The following KIAA1217 variants were observed in gnomAD, a reference collection of about 807,000 sequenced individuals.
The protein encoded by KIAA1217 is KIAA1217, also known as sickle tail protein homolog.
Under a neutral mutation model 163.9 loss-of-function variants are expected in KIAA1217, and 88 were observed. The observed-to-expected ratio is 0.54, with a 90% confidence interval of 0.45 to 0.64. The LOEUF is 0.64. Among genes scored for constraint, KIAA1217 ranks in the 30% least tolerant of loss-of-function variants. KIAA1217 has a pLI of 0.00. For synonymous variants in KIAA1217, 903 were observed against 923.1 expected, an observed-to-expected ratio of 0.98 and a Z score of 0.39; for missense variants, 2,372 against 2,475.0, an observed-to-expected ratio of 0.96 and a Z score of 0.88.
intron 1 of KIAA1217, among the ~76,000 whole-genome samples, chr10:23,737,858 T>A (rs1158109629): frequency 3.3e-5 from 5 of 152,176 alleles, no homozygotes; most frequent in Admixed American, 3.3e-4. Flanking sequence ...ATTCACAGTT[T>A]TATTAATCTC....
intron 2 of KIAA1217, among the ~76,000 whole-genome samples, chr10:24,163,957 A>C (rs1253203913): frequency 6.6e-6 from 1 of 152,214 alleles, no homozygotes; most frequent in Admixed American, 6.5e-5. Flanking sequence ...GTTGCCCAGA[A>C]GTTTGAGTCC....
intron 2 of KIAA1217, among the ~76,000 whole-genome samples, chr10:24,055,263 T>C (rs974539209): frequency 1.3e-5 from 2 of 152,092 alleles, no homozygotes; most frequent in African/African-American, 4.8e-5. Context: ...TGAGACCCTG[T>C]CTCAAAAAAT....
chr10:24,501,729 CTTTTTTTTTTTTTTTTTT>C (rs71397953), intron 9 of KIAA1217, among the ~76,000 whole-genome samples, 184 bp downstream of exon 9: 2 of 51,472 alleles, frequency 3.9e-5, no homozygotes, highest in East Asian at 7.7e-4. Context: ...ATAACCACTT[CTTTTTTTTTTTTTTTTTT>C]TTTTTTTTTT....
At chr10:24,049,351 G>C (rs1232154733) in intron 2 of KIAA1217, among the ~76,000 whole-genome samples, 1 of 152,158 alleles carries the variant, frequency 6.6e-6, no homozygotes, top group Non-Finnish European at 1.5e-5. Context: ...GAGTTTTACA[G>C]TGGCATAGAA....
chr10:24,071,724 A>T (rs2131629853), intron 2 of KIAA1217, among the ~76,000 whole-genome samples: 1 of 152,310 alleles, frequency 6.6e-6, no homozygotes, highest in African/African-American at 2.4e-5. Context: ...CAGTTACCAG[A>T]TGAGAGAAAC....
At chr10:23,772,228 G>A (rs970983883) in intron 1 of KIAA1217, among the ~76,000 whole-genome samples, 1 of 152,166 alleles carries the variant, frequency 6.6e-6, no homozygotes, top group African/African-American at 2.4e-5. Context: ...TCAGCGGACA[G>A]CAGAAATACC....
At position 24,440,228 on chromosome 10, in the gene KIAA1217, A is replaced by G. The variant is rs144614347; in HGVS notation, c.846+1749A>G. 1.1e-3 allele frequency among the ~76,000 whole-genome samples: 162 copies of G among 152,374 alleles called. 1 individual carries two copies. The highest frequency in any genetic ancestry group is 3.7e-3 in the African/African-American group (154 of 41,594). On this transcript the variant is annotated intron_variant, in intron 5 of 20. Coordinates refer to ENST00000376454, the MANE Select transcript of KIAA1217 (RefSeq NM_019590.5). Reference sequence around the variant, plus strand: ...TTTGCCAGTTATACTTTATGTGTAAACCAGAGCCACATGGAGACAGATTGA... The same window carrying G: ...TTTGCCAGTTATACTTTATGTGTAAGCCAGAGCCACATGGAGACAGATTGA...
At chr10:24,512,173 T>C (rs1373002378) in intron 9 of KIAA1217, among the ~76,000 whole-genome samples, 1 of 152,184 alleles carries the variant, frequency 6.6e-6, no homozygotes, top group Non-Finnish European at 1.5e-5. Flanking sequence ...GATGTGGCTT[T>C]AAGCAGGTGG....
chr10:24,068,289 C>A (rs2061048928), intron 2 of KIAA1217, among the ~76,000 whole-genome samples: 2 of 152,300 alleles, frequency 1.3e-5, no homozygotes, highest in South Asian at 2.1e-4. Context: ...TAGCTCCACA[C>A]CCTCAGTTAT....
intron 1 of KIAA1217, among the ~76,000 whole-genome samples, chr10:23,926,175 A>T (rs180964752): frequency 6.6e-6 from 1 of 152,236 alleles, no homozygotes; most frequent in East Asian, 1.9e-4. Flanking sequence ...CTGTTCCTTA[A>T]TTAGATTCAG....
intron 1 of KIAA1217, among the ~76,000 whole-genome samples, chr10:23,701,979 A>G (rs757596212): frequency 1.1e-4 from 17 of 152,120 alleles, no homozygotes; most frequent in Non-Finnish European, 1.9e-4. Context: ...TGTTGTGCCC[A>G]TTTTTCATGC....
At chr10:24,443,596 C>T (rs901876420) in intron 5 of KIAA1217, among the ~76,000 whole-genome samples, 29 of 152,004 alleles carry the variant, frequency 1.9e-4, no homozygotes, top group African/African-American at 6.5e-4. Context: ...TTAAGTTTCT[C>T]GGGGGTCTTC....
At chr10:24,270,200 G>A (rs925783821) in intron 2 of KIAA1217, among the ~76,000 whole-genome samples, 4 of 152,228 alleles carry the variant, frequency 2.6e-5, no homozygotes, top group African/African-American at 7.2e-5. Context: ...TACCTTTCAC[G>A]TTCTGCACAA....
intron 1 of KIAA1217, among the ~76,000 whole-genome samples, chr10:23,992,002 C>A (rs1846237975): frequency 6.6e-6 from 1 of 152,116 alleles, no homozygotes; most frequent in African/African-American, 2.4e-5. Context: ...AATTGTCTTG[C>A]AATCCATTAA....
intron 1 of KIAA1217, among the ~76,000 whole-genome samples, chr10:23,897,360 C>G (rs1189340614): frequency 6.6e-6 from 1 of 152,092 alleles, no homozygotes; most frequent in African/African-American, 2.4e-5. Context: ...CTCAATGCCA[C>G]CTCTTGGTTT....
chr10:24,350,503 G>A (rs934186756), intron 2 of KIAA1217, among the ~76,000 whole-genome samples: 52 of 152,100 alleles, frequency 3.4e-4, no homozygotes, highest in Admixed American at 3.1e-3. Flanking sequence ...AGGTCTTTGT[G>A]TTGATTATCT....
At chr10:23,791,397 T>G (rs914941862) in intron 1 of KIAA1217, among the ~76,000 whole-genome samples, 1 of 152,142 alleles carries the variant, frequency 6.6e-6, no homozygotes, top group Admixed American at 6.5e-5. Context: ...CAGTGAGTTA[T>G]TTTGAAAAAA....
intron 2 of KIAA1217, among the ~76,000 whole-genome samples, chr10:24,322,982 T>C (rs1019022488): frequency 6.6e-6 from 1 of 152,340 alleles, no homozygotes; most frequent in Middle Eastern, 3.4e-3. Context: ...CTCACTCTAC[T>C]GGCTACCGGC....
chr10:24,528,063 C>T lies in KIAA1217; in HGVS notation c.3026C>T (p.Pro1009Leu). 6.2e-7 allele frequency: 1 copy of T among 1,614,122 alleles called. No individual in the cohort carries two copies. ...MKSIPNLEMPPATGPLPRGDA... is the reference protein window; with the variant it reads ...MKSIPNLEMPLATGPLPRGDA... ...TCAATACCAAATCTGGAGATGCCGCCAGCCACAGGCCCACTGCCAAGGGGA... is the reference window on the plus strand; with the variant it reads ...TCAATACCAAATCTGGAGATGCCGCTAGCCACAGGCCCACTGCCAAGGGGA... Residue 1009 changes from proline to leucine, a missense_variant, in exon 14 of 21, where the codon CCA (proline) becomes CTA (leucine). By Grantham distance (98) the Pro-to-Leu change is moderately conservative (BLOSUM62 -3). Around this residue, in one of 3 missense-constraint regions of KIAA1217, gnomAD observed 1,431 missense variants for 1,470.3 expected, o/e 0.97. Transcript: ENST00000376454.
Sources: gnomAD v4.1 joint callset for allele counts (sites outside exome capture counted in the v4.1 genomes callset) on GRCh38, gnomAD v4.1.1 for gene constraint, gnomAD v4.1.1 regional missense constraint, MANE v1.5 for transcripts, NCBI Gene and HGNC (gene_info 2026-07-23, HGNC 2026-07-21) for gene names.